The following MRAP2 variants were observed in gnomAD, a reference collection of about 807,000 sequenced individuals.
The protein encoded by MRAP2 is melanocortin 2 receptor accessory protein 2.
In MRAP2, 20 loss-of-function variants were observed where a neutral mutation model predicts 17.4. The ratio of observed to expected loss-of-function variants is 1.15; its 90% CI spans 0.81 to 1.67. MRAP2 has a LOEUF of 1.67. Ranked by LOEUF, MRAP2 falls within the 40% of genes most tolerant of loss-of-function variation. The pLI is 0.00. For missense variants in MRAP2, 238 were observed against 240.0 expected (o/e 0.99, Z 0.05); for synonymous variants, 96 against 88.4 (o/e 1.09, Z -0.48).
intron 3 of MRAP2, among the ~76,000 whole-genome samples, chr6:84,073,256 TTTC>T (rs572805701): frequency 1.5e-3 from 232 of 152,262 alleles, no homozygotes; most frequent in African/African-American, 5.4e-3. Context: ...GCCCAGGGCC[TTTC>T]TTCTTCTTCC....
downstream of MRAP2, among the ~76,000 whole-genome samples, chr6:84,091,239 C>CTTT (rs34508361): frequency 2.2e-3 from 237 of 108,024 alleles, 10 homozygotes; most frequent in African/African-American, 7.3e-3. Context: ...AGTTTGTTAA[C>CTTT]TTTTTTTTTT....
chr6:84,097,503 T>A, the MRAP2 span, among the ~76,000 whole-genome samples: 1 of 152,222 alleles, frequency 6.6e-6, no homozygotes, highest in Non-Finnish European at 1.5e-5. Context: ...TTTCCAGAAC[T>A]GGAAACATGT....
intron 3 of MRAP2, among the ~76,000 whole-genome samples, chr6:84,085,633 C>T (rs550406634): frequency 6.6e-6 from 1 of 152,242 alleles, no homozygotes; most frequent in Admixed American, 6.5e-5. Context: ...CATAACCAAA[C>T]CCAAATCGGA....
At chr6:84,132,564 ACTT>A in the MRAP2 span, among the ~76,000 whole-genome samples, 1 of 151,746 alleles carries the variant, frequency 6.6e-6, no homozygotes, top group African/African-American at 2.4e-5. Context: ...TTTTCTCTAA[ACTT>A]CTCTTCTCAC....
At chr6:84,052,071 G>C (rs754985898) in intron 1 of MRAP2, among the ~76,000 whole-genome samples, 1 of 152,170 alleles carries the variant, frequency 6.6e-6, no homozygotes, top group Non-Finnish European at 1.5e-5. Flanking sequence ...GAGCAATTTA[G>C]TCTCTCCCTC....
chr6:84,064,739 G>A (rs977316390), intron 3 of MRAP2, among the ~76,000 whole-genome samples: 2 of 152,084 alleles, frequency 1.3e-5, no homozygotes, highest in Admixed American at 6.5e-5. Context: ...CGCCCGCCTT[G>A]GCCTCCCAAA....
At chr6:84,114,503 C>T in the MRAP2 span, among the ~76,000 whole-genome samples, 2 of 151,974 alleles carry the variant, frequency 1.3e-5, no homozygotes, top group Admixed American at 6.6e-5. Context: ...TCTTAGCTTC[C>T]TTGCATTGGG....
At chr6:84,132,577 CTTCAT>C in the MRAP2 span, among the ~76,000 whole-genome samples, 9 of 152,142 alleles carry the variant, frequency 5.9e-5, no homozygotes, top group South Asian at 1.7e-3. Context: ...TCTCTTCTCA[CTTCAT>C]TTCATTCATT....
the MRAP2 span, among the ~76,000 whole-genome samples, chr6:84,136,774 TGAGA>T: frequency 4.6e-5 from 7 of 152,214 alleles, no homozygotes; most frequent in South Asian, 2.1e-4. Context: ...AAACTGAGGC[TGAGA>T]GAGTTTAAAG....
chr6:84,118,576 T>G, the MRAP2 span, among the ~76,000 whole-genome samples: 1 of 152,002 alleles, frequency 6.6e-6, no homozygotes, highest in Non-Finnish European at 1.5e-5. Flanking sequence ...TCAGACTGTT[T>G]GGACTTTCTA....
rs573957446 is a variant in MRAP2 at position 84,033,848 on chromosome 6, C to T, written c.-43C>T. 33 of 987,140 alleles carry T rather than the reference C, an allele frequency of 3.3e-5. No homozygotes were observed. The highest frequency in any genetic ancestry group is 4.0e-5 in the Non-Finnish European group (33 of 831,052). 61.1% of individuals were successfully genotyped at this position (987,140 alleles called of 1,614,324 possible). A position where few individuals can be genotyped will look rare whatever the true frequency, so the allele number is the denominator to read the frequency against. On this transcript the variant is annotated 5_prime_UTR_variant, in exon 1 of 4. Coordinates refer to ENST00000257776, the MANE Select transcript of MRAP2 (RefSeq NM_138409.4). ...ACCTCGGAGGAGCCAGGAGCCGGAA[C>T]CAGGGCCGAGCCCGCGGGCCGGGGC...
At chr6:84,073,877 TGTGTGTGTGTG>T in intron 3 of MRAP2, among the ~76,000 whole-genome samples, 1 of 134,936 alleles carries the variant, frequency 7.4e-6, no homozygotes. Flanking sequence ...TATTTGTGTG[TGTGTGTGTGTG>T]TTTTTTTTTT....
intron 1 of MRAP2, among the ~76,000 whole-genome samples, chr6:84,034,948 G>C (rs2099485586): frequency 6.6e-6 from 1 of 152,132 alleles, no homozygotes; most frequent in East Asian, 1.9e-4. Flanking sequence ...ACACAGACAA[G>C]AACAGGTGCA....
chr6:84,064,849 TTCA>T (rs2099494218), intron 3 of MRAP2, among the ~76,000 whole-genome samples: 2 of 152,302 alleles, frequency 1.3e-5, no homozygotes, highest in Admixed American at 1.3e-4. Flanking sequence ...GCAGCTCTCT[TTCA>T]TGGTTGTGTC....
chr6:84,132,895 G>A, the MRAP2 span, among the ~76,000 whole-genome samples: 13 of 152,188 alleles, frequency 8.5e-5, no homozygotes, highest in Non-Finnish European at 1.6e-4. Flanking sequence ...AAGGAACACA[G>A]CTGGCAAGGA....
chr6:84,061,762 A>G, intron 2 of MRAP2: 3 of 985,224 alleles, frequency 3.0e-6, no homozygotes, highest in Non-Finnish European at 2.4e-6. Flanking sequence ...TTAAAGTGGT[A>G]AATTGGGAGA....
the MRAP2 span, among the ~76,000 whole-genome samples, chr6:84,132,099 G>A: frequency 1.3e-5 from 2 of 152,268 alleles, no homozygotes; most frequent in South Asian, 2.1e-4. Context: ...CTTCACTTAC[G>A]AAGCTTAGTT....
intron 3 of MRAP2, among the ~76,000 whole-genome samples, chr6:84,087,661 G>T (rs1472787204): frequency 6.6e-6 from 1 of 152,188 alleles, no homozygotes; most frequent in Non-Finnish European, 1.5e-5. Flanking sequence ...TAAATCTTCA[G>T]TCTCTCTAAA....
At position 84,044,756 on chromosome 6, in the gene MRAP2, A is replaced by G. The variant is rs771777904; in HGVS notation, c.-7-10556A>G. On this transcript the variant is annotated intron_variant, in intron 1 of 3. Coordinates refer to ENST00000257776, the MANE Select transcript of MRAP2 (RefSeq NM_138409.4). ...TCCAAATACAGTCACATTCTGAGAT[A>G]CTGGGTGCTAGGGCTTCAACATATG... 2.0e-5 allele frequency among the ~76,000 whole-genome samples: 3 copies of G among 152,212 alleles called. No individual in the cohort carries two copies. The South Asian group carries it at 6.2e-4, about 32-fold the overall frequency.
Sources: gnomAD v4.1 joint callset for allele counts (sites outside exome capture counted in the v4.1 genomes callset) on GRCh38, gnomAD v4.1.1 for gene constraint, MANE v1.5 for transcripts, NCBI Gene and HGNC (gene_info 2026-07-23, HGNC 2026-07-21) for gene names.